The following IMMP2L variants were observed in gnomAD, a reference collection of about 807,000 sequenced individuals.
IMMP2L encodes the protein mitochondrial inner membrane protease subunit 2.
In IMMP2L, 18 loss-of-function variants were observed where a neutral mutation model predicts 19.3. The observed-to-expected ratio is 0.93, with a 90% CI of 0.64 to 1.38. The LOEUF (loss-of-function observed/expected upper bound fraction) is 1.38, where lower values mean the gene tolerates loss of function less well. IMMP2L is among the 40% of genes most tolerant of loss of function. IMMP2L has a pLI of 0.00. For missense variants in IMMP2L, 233 were observed against 218.2 expected (o/e 1.07, Z -0.43); for synonymous variants, 76 against 73.0 (o/e 1.04, Z -0.21).
chr7:111,157,561 T>C (rs1439015089), intron 3 of IMMP2L, among the ~76,000 whole-genome samples: 1 of 152,072 alleles, frequency 6.6e-6, no homozygotes, highest in Non-Finnish European at 1.5e-5. Flanking sequence ...AGAATGATGG[T>C]TACCAGAGGC....
chr7:110,848,619 AG>A (rs1346085860), intron 5 of IMMP2L, among the ~76,000 whole-genome samples: 1 of 152,218 alleles, frequency 6.6e-6, no homozygotes, highest in African/African-American at 2.4e-5. Flanking sequence ...TATTTATAGT[AG>A]CTTTATTCAT....
At chr7:111,020,434 A>G (rs1826165411) in intron 3 of IMMP2L, among the ~76,000 whole-genome samples, 1 of 151,820 alleles carries the variant, frequency 6.6e-6, no homozygotes, top group Admixed American at 6.6e-5. Flanking sequence ...ACATTTAGGG[A>G]ACTTACGTTC....
chr7:110,813,147 T>C (rs931982037), intron 5 of IMMP2L, among the ~76,000 whole-genome samples: 1 of 152,048 alleles, frequency 6.6e-6, no homozygotes, highest in African/African-American at 2.4e-5. Context: ...TCAAAGGATA[T>C]AGAATGGAAA....
At chr7:110,683,439 C>T (rs1792878022) in intron 5 of IMMP2L, among the ~76,000 whole-genome samples, 1 of 152,026 alleles carries the variant, frequency 6.6e-6, no homozygotes, top group South Asian at 2.1e-4. Flanking sequence ...AAAGATGCTA[C>T]CAAAAGTGGC....
chr7:110,953,951 T>A (rs1461635868), intron 4 of IMMP2L, among the ~76,000 whole-genome samples: 1 of 152,142 alleles, frequency 6.6e-6, no homozygotes, highest in Admixed American at 6.6e-5. Context: ...GTTTGTTGGC[T>A]GCATAAATGT....
chr7:110,832,506 G>C (rs1050296101), intron 5 of IMMP2L, among the ~76,000 whole-genome samples: 1 of 151,898 alleles, frequency 6.6e-6, no homozygotes, highest in African/African-American at 2.4e-5. Flanking sequence ...CAATCTAAAA[G>C]GGGCCTGCTG....
Position 111,398,634 on chromosome 7 carries a change from A to G in IMMP2L, c.239+88604T>C, listed in dbSNP as rs182581562. On this transcript the variant is annotated intron_variant, in intron 3 of 5. Transcript: ENST00000405709. ...TGGAAGTCCTAGACAGAGCAAACAGACAAGAGACAGAAATAAAGGGCATCC... is the reference window on the plus strand; with the variant it reads ...TGGAAGTCCTAGACAGAGCAAACAGGCAAGAGACAGAAATAAAGGGCATCC... 1.5e-3 allele frequency among the ~76,000 whole-genome samples: 227 copies of G among 152,180 alleles called. 2 individuals are homozygous for G. The highest frequency in any genetic ancestry group is 5.2e-3 in the African/African-American group (216 of 41,560).
At chr7:110,666,979 C>A (rs1321203809) in intron 5 of IMMP2L, among the ~76,000 whole-genome samples, 2 of 152,120 alleles carry the variant, frequency 1.3e-5, no homozygotes, top group Non-Finnish European at 2.9e-5. Context: ...TCATGCCATT[C>A]TCCTGCCTCA....
chr7:111,235,029 C>T (rs1302291727), intron 3 of IMMP2L, among the ~76,000 whole-genome samples: 1 of 152,094 alleles, frequency 6.6e-6, no homozygotes, highest in Non-Finnish European at 1.5e-5. Flanking sequence ...AGGTTTCTAA[C>T]TGATAACATT....
At chr7:111,005,357 G>A (rs890228663) in intron 3 of IMMP2L, among the ~76,000 whole-genome samples, 4 of 152,210 alleles carry the variant, frequency 2.6e-5, no homozygotes, top group African/African-American at 9.6e-5. Context: ...ATCTCCTATT[G>A]TTACATAAAG....
At chr7:111,555,391 G>C (rs1791159978) in intron 1 of IMMP2L, among the ~76,000 whole-genome samples, 1 of 151,926 alleles carries the variant, frequency 6.6e-6, no homozygotes, top group Non-Finnish European at 1.5e-5. Context: ...CTGACAGTTG[G>C]GGTCAGATAT....
intron 5 of IMMP2L, among the ~76,000 whole-genome samples, chr7:110,750,972 A>T (rs1364937114): frequency 2.0e-5 from 3 of 152,136 alleles, no homozygotes; most frequent in Non-Finnish European, 4.4e-5. Flanking sequence ...ACCAAATACT[A>T]CTTGGTTCAA....
chr7:110,977,699 TTC>T (rs1048833510), intron 3 of IMMP2L, among the ~76,000 whole-genome samples: 5 of 151,316 alleles, frequency 3.3e-5, no homozygotes, highest in South Asian at 2.1e-4. Context: ...TTTTCTTCCT[TTC>T]TCTCTCTCTC....
At chr7:111,398,443 T>A (rs370188384) in intron 3 of IMMP2L, among the ~76,000 whole-genome samples, 4 of 152,110 alleles carry the variant, frequency 2.6e-5, no homozygotes, top group Non-Finnish European at 5.9e-5. Flanking sequence ...ATTAAAACTT[T>A]CAGCAAAAAT....
At chr7:110,930,353 G>A (rs1018754281) in intron 4 of IMMP2L, among the ~76,000 whole-genome samples, 26 of 151,680 alleles carry the variant, frequency 1.7e-4, no homozygotes, top group African/African-American at 6.1e-4. Context: ...CTTCTCCAAG[G>A]AGCAGACAGC....
chr7:110,715,671 T>A (rs943067193), intron 5 of IMMP2L, among the ~76,000 whole-genome samples: 1 of 152,122 alleles, frequency 6.6e-6, no homozygotes, highest in Non-Finnish European at 1.5e-5. Flanking sequence ...TATTAAGACT[T>A]TTTTGTGGTC....
chr7:110,690,064 C>T (rs1793385690), intron 5 of IMMP2L, among the ~76,000 whole-genome samples: 1 of 152,144 alleles, frequency 6.6e-6, no homozygotes. Flanking sequence ...TGCTGCTTAG[C>T]CTTTCACTGA....
chr7:110,910,848 G>A (rs1374378002), intron 4 of IMMP2L, among the ~76,000 whole-genome samples: 1 of 151,908 alleles, frequency 6.6e-6, no homozygotes, highest in Non-Finnish European at 1.5e-5. Flanking sequence ...TGGTATTTGC[G>A]ACACATAATA....
chr7:111,138,874 A>G (rs1802601305), intron 3 of IMMP2L, among the ~76,000 whole-genome samples: 1 of 152,162 alleles, frequency 6.6e-6, no homozygotes, highest in Admixed American at 6.6e-5. Context: ...ACTTACTTGT[A>G]AAACCCTTTA....
Sources: allele counts gnomAD v4.1 joint callset (sites outside exome capture counted in the v4.1 genomes callset), GRCh38; gene constraint gnomAD v4.1.1; transcripts MANE v1.5; gene names NCBI Gene and HGNC (gene_info 2026-07-23, HGNC 2026-07-21).